The following RTN4 variants were observed in gnomAD, a reference collection of about 807,000 sequenced individuals.
RTN4 encodes reticulon 4.
In RTN4, 32 loss-of-function variants were observed where a neutral mutation model predicts 90.4. The ratio of observed to expected loss-of-function variants is 0.35; its 90% CI spans 0.27 to 0.48. The LOEUF (loss-of-function observed/expected upper bound fraction) is 0.48. RTN4 is among the 20% of genes least tolerant of loss of function. The pLI, the probability that RTN4 is intolerant of heterozygous loss-of-function variation, is 0.99. For missense variants in RTN4, 1,706 were observed against 1,430.2 expected, an observed-to-expected ratio of 1.19 and a Z score of -3.11; for synonymous variants, 629 against 552.5, an observed-to-expected ratio of 1.14 and a Z score of -1.94.
At chr2:54,973,519 C>T (rs1677318511) in intron 8 of RTN4, 44 bp downstream of exon 8, 2 of 1,414,680 alleles carry the variant, frequency 1.4e-6, no homozygotes, top group Non-Finnish European at 1.0e-6. Flanking sequence ...CACAATCCAG[C>T]ACACCTTATC....
rs924997126 is a variant in RTN4 at position 55,108,252 on chromosome 2, G to A, written c.-214+4268C>T. On this transcript the variant is annotated intron_variant, in intron 1 of 3. Transcript: ENST00000427710. ...TTACAGGCGTGAGCCAACCCACCCAGCCCAGTTCTTTATGTATATAGATAT... is the reference window on the plus strand; with the variant it reads ...TTACAGGCGTGAGCCAACCCACCCAACCCAGTTCTTTATGTATATAGATAT... Among the ~76,000 whole-genome samples, 10 of 152,190 alleles carry A rather than the reference G, an allele frequency of 6.6e-5. 1 individual carries two copies. The highest frequency in any genetic ancestry group is 2.4e-4 in the African/African-American group (10 of 41,498).
chr2:55,101,959 G>A (rs1667860705), intron 1 of RTN4, among the ~76,000 whole-genome samples: 3 of 151,890 alleles, frequency 2.0e-5, no homozygotes, highest in African/African-American at 7.3e-5. Context: ...AAAAGAAAAG[G>A]AAAAATAGAG....
intron 2 of RTN4, among the ~76,000 whole-genome samples, chr2:55,070,970 G>A (rs1668501487): frequency 6.6e-6 from 1 of 151,718 alleles, no homozygotes; most frequent in East Asian, 1.9e-4. Flanking sequence ...TAGAGATGGG[G>A]TTTCACTGTG....
intron 3 of RTN4, among the ~76,000 whole-genome samples, chr2:54,996,918 C>A (rs1451190823): frequency 6.6e-6 from 1 of 151,998 alleles, no homozygotes. Flanking sequence ...CAGCACCTAG[C>A]CAGAAAACTC....
chr2:54,984,445 T>A (rs1455342181), intron 4 of RTN4, among the ~76,000 whole-genome samples: 1 of 152,236 alleles, frequency 6.6e-6, no homozygotes, highest in Admixed American at 6.5e-5. Context: ...AACCAGCAAT[T>A]ATTTGTTTAC....
Position 55,026,691 on chromosome 2 carries a change from C to T in RTN4, c.1408G>A (p.Ala470Thr). Residue 470 changes from alanine to threonine, a missense_variant, in exon 3 of 9, where the codon GCA (alanine) becomes ACA (threonine). Ala to Thr is a moderately conservative substitution (Grantham distance 58). Coordinates refer to ENST00000337526, the MANE Select transcript of RTN4 (RefSeq NM_020532.5). ...AYITCAPFNP[A>T]ATESIATNIF... ...TTTGTTGCAATGCTCTCAGTTGCTG[C>T]TGGGTTAAAGGGAGCACATGTGATA... is the stretch of plus-strand genomic sequence containing the variant. 6.2e-7 allele frequency: 1 copy of T among 1,613,726 alleles called. No homozygotes were observed. Among genetic ancestry groups the T allele is most frequent in the South Asian group, 1.1e-5 (1 of 91,074 alleles).
chr2:55,096,698 G>A (rs1265817398), intron 1 of RTN4, among the ~76,000 whole-genome samples: 1 of 152,098 alleles, frequency 6.6e-6, no homozygotes, highest in African/African-American at 2.4e-5. Flanking sequence ...CAATCTGAAC[G>A]CAAGCTACTT....
At chr2:55,053,229 C>G (rs528435122), upstream of RTN4, among the ~76,000 whole-genome samples, 10 of 152,310 alleles carry the variant, frequency 6.6e-5, no homozygotes, top group East Asian at 1.2e-3. Flanking sequence ...TGTTGCTGCT[C>G]TACCACAATT....
At chr2:55,066,175 G>T (rs965703990) in intron 2 of RTN4, among the ~76,000 whole-genome samples, 6 of 104,472 alleles carry the variant, frequency 5.7e-5, no homozygotes, top group Non-Finnish European at 1.0e-4. Flanking sequence ...CCATTTGTGT[G>T]TGTGTGTGTG....
chr2:55,055,490 G>A (rs763054905), upstream of RTN4, among the ~76,000 whole-genome samples: 1 of 152,088 alleles, frequency 6.6e-6, no homozygotes, highest in African/African-American at 2.4e-5. Context: ...GACCTTGGCC[G>A]GGCGCGGTGG....
intron 5 of RTN4, among the ~76,000 whole-genome samples, chr2:54,981,213 G>A (rs373970403): frequency 2.0e-5 from 3 of 151,362 alleles, no homozygotes; most frequent in African/African-American, 7.3e-5. Context: ...GCTCATACCT[G>A]TAAGCCCAGA....
chr2:54,979,182 AGCT>A (rs1173513483), intron 5 of RTN4, among the ~76,000 whole-genome samples: 3 of 151,510 alleles, frequency 2.0e-5, no homozygotes, highest in Non-Finnish European at 2.9e-5. Flanking sequence ...CCTCCCAAGT[AGCT>A]GGGACTACAG....
chr2:55,101,780 T>A (rs1191563577), intron 1 of RTN4, among the ~76,000 whole-genome samples: 1 of 152,124 alleles, frequency 6.6e-6, no homozygotes, highest in East Asian at 1.9e-4. Context: ...TGCATGTGAA[T>A]AAACAATAAG....
intron 1 of RTN4, among the ~76,000 whole-genome samples, chr2:55,105,727 G>C (rs574329531): frequency 6.6e-6 from 1 of 152,010 alleles, no homozygotes; most frequent in Non-Finnish European, 1.5e-5. Context: ...CCAGAACTTT[G>C]GGAGGGGAAG....
the RTN4 span, among the ~76,000 whole-genome samples, chr2:55,122,231 G>A: frequency 4.6e-5 from 7 of 152,042 alleles, no homozygotes; most frequent in African/African-American, 7.3e-5. Context: ...CACCTGCCTC[G>A]GCCTCCCAAA....
chr2:54,991,530 A>G (rs987803609), intron 3 of RTN4, among the ~76,000 whole-genome samples: 3 of 152,314 alleles, frequency 2.0e-5, no homozygotes, highest in African/African-American at 7.2e-5. Flanking sequence ...TTTATCGTCC[A>G]TAAAGGGCAT....
intron 2 of RTN4, among the ~76,000 whole-genome samples, chr2:55,075,947 A>C (rs1668592054): frequency 6.6e-6 from 1 of 152,256 alleles, no homozygotes; most frequent in South Asian, 2.1e-4. Flanking sequence ...GATGGATTAC[A>C]GACTTAAATC....
At chr2:55,101,039 T>A (rs187136824) in intron 1 of RTN4, among the ~76,000 whole-genome samples, 63 of 152,198 alleles carry the variant, frequency 4.1e-4, no homozygotes, top group African/African-American at 1.4e-3. Context: ...ATTAAGCCAC[T>A]AAAATTATAA....
chr2:54,974,078 G>T (rs1195185551), intron 6 of RTN4: 35 of 490,422 alleles, frequency 7.1e-5, no homozygotes, highest in Non-Finnish European at 1.1e-4. Context: ...TTAGAGCTAG[G>T]AACCATTTCT....
Sources: allele counts gnomAD v4.1 joint callset (sites outside exome capture counted in the v4.1 genomes callset), GRCh38; gene constraint gnomAD v4.1.1; transcripts MANE v1.5; gene names NCBI Gene and HGNC (gene_info 2026-07-23, HGNC 2026-07-21).